The following KCNH8 variants were observed in gnomAD, a reference collection of about 807,000 sequenced individuals.
The protein encoded by KCNH8 is potassium voltage-gated channel subfamily H member 8.
KCNH8 carries 70 observed loss-of-function variants against 103.6 expected under a neutral mutation model. That is an observed-to-expected ratio of 0.68 (90% confidence interval 0.56 to 0.82). The LOEUF (loss-of-function observed/expected upper bound fraction) is 0.82. Among genes scored for constraint, KCNH8 ranks in the 40% least tolerant of loss-of-function variants. The pLI, the probability that KCNH8 is intolerant of heterozygous loss-of-function variation, is 0.00. For synonymous variants in KCNH8, 498 were observed against 489.4 expected, an observed-to-expected ratio of 1.02 and a Z score of -0.23; for missense variants, 1,217 against 1,329.9, an observed-to-expected ratio of 0.92 and a Z score of 1.32.
In KCNH8 at chr3:19,476,564, T is replaced by C. The variant is rs1030234394; in HGVS notation, c.2040+19582T>C. Among the ~76,000 whole-genome samples, 4 of 152,124 alleles carry C rather than the reference T, an allele frequency of 2.6e-5. No individual in the cohort carries two copies. In the East Asian group the frequency reaches 5.8e-4, roughly 22 times the overall value. On this transcript the variant is annotated intron_variant, in intron 11 of 15. Coordinates refer to ENST00000328405, the MANE Select transcript of KCNH8 (RefSeq NM_144633.3). ...ATCAGAAGCGGGTCACTGGGGGGCA[T>C]GGGATCTCAGCTTAATATAATGAAT...
At chr3:19,234,294 G>T (rs1165211453) in intron 1 of KCNH8, among the ~76,000 whole-genome samples, 1 of 152,204 alleles carries the variant, frequency 6.6e-6, no homozygotes, top group Non-Finnish European at 1.5e-5. Context: ...GCACTCCTCA[G>T]GCCTTGGGTG....
chr3:19,448,953 G>A, intron 8 of KCNH8: 1 of 1,284,002 alleles, frequency 7.8e-7, no homozygotes, highest in South Asian at 1.2e-5. Context: ...TGTGTCCAAG[G>A]CCTTCTTGGA....
intron 1 of KCNH8, among the ~76,000 whole-genome samples, chr3:19,237,424 T>A (rs1316691105): frequency 6.6e-6 from 1 of 152,234 alleles, no homozygotes; most frequent in Non-Finnish European, 1.5e-5. Context: ...CTCAAATGTT[T>A]GTGGCAGCCC....
At chr3:19,169,966 T>C (rs866549957) in intron 1 of KCNH8, among the ~76,000 whole-genome samples, 2 of 152,240 alleles carry the variant, frequency 1.3e-5, no homozygotes, top group Non-Finnish European at 1.5e-5. Flanking sequence ...TATTATCTCA[T>C]TTATTTTTCA....
At chr3:19,459,295 A>G (rs2067583974) in intron 11 of KCNH8, among the ~76,000 whole-genome samples, 1 of 151,658 alleles carries the variant, frequency 6.6e-6, no homozygotes. Context: ...AGCCCTTCTA[A>G]TAGGTGTGGT....
At chr3:19,376,343 G>T (rs953215029) in intron 5 of KCNH8, among the ~76,000 whole-genome samples, 2 of 152,200 alleles carry the variant, frequency 1.3e-5, no homozygotes, top group African/African-American at 4.8e-5. Context: ...CAGTATTCGG[G>T]TAGGAGTGAC....
intron 11 of KCNH8, among the ~76,000 whole-genome samples, chr3:19,462,202 T>C (rs2067645145): frequency 6.6e-6 from 1 of 152,202 alleles, no homozygotes; most frequent in South Asian, 2.1e-4. Flanking sequence ...TTTTAGATCC[T>C]TGAGGAATTG....
intron 15 of KCNH8, among the ~76,000 whole-genome samples, chr3:19,523,982 CCT>C: frequency 6.6e-6 from 1 of 151,868 alleles, no homozygotes; most frequent in Middle Eastern, 3.4e-3. Context: ...ATGAAATCTC[CCT>C]GAGTCAAAGA....
At chr3:19,364,769 A>G (rs1559493657) in intron 5 of KCNH8, among the ~76,000 whole-genome samples, 1 of 152,112 alleles carries the variant, frequency 6.6e-6, no homozygotes, top group Non-Finnish European at 1.5e-5. Context: ...ACTTTAAAGT[A>G]CCTACTTAAG....
At chr3:19,402,488 T>C (rs373368109) in intron 7 of KCNH8, among the ~76,000 whole-genome samples, 8 of 151,914 alleles carry the variant, frequency 5.3e-5, no homozygotes, top group Admixed American at 2.0e-4. Context: ...TGAAAGCAGT[T>C]TGCAAATTGA....
At chr3:19,358,393 A>AC (rs2065908466) in intron 5 of KCNH8, among the ~76,000 whole-genome samples, 1 of 151,550 alleles carries the variant, frequency 6.6e-6, no homozygotes, top group Admixed American at 6.6e-5. Context: ...AGATATTTTC[A>AC]CAAAAAATAA....
At chr3:19,435,106 A>G (rs1575063972) in intron 7 of KCNH8, among the ~76,000 whole-genome samples, 2 of 152,176 alleles carry the variant, frequency 1.3e-5, no homozygotes, top group South Asian at 4.1e-4. Flanking sequence ...GATTGTGGTA[A>G]TCATTTCATA....
chr3:19,498,637 T>C (rs1299342265), intron 11 of KCNH8, among the ~76,000 whole-genome samples: 7 of 152,216 alleles, frequency 4.6e-5, no homozygotes, highest in African/African-American at 1.7e-4. Context: ...CTGCGTTCCT[T>C]TGGAGGACGA....
rs2069229052 is a variant in KCNH8 at position 19,534,332 on chromosome 3, T to A, written c.*233T>A. ...GTACAGGTATTAAACTACTGGTCTG[T>A]TTGACAGACTTTGGTAACAATCCAA... On this transcript the variant is annotated 3_prime_UTR_variant, in exon 16 of 16. Transcript: ENST00000328405. 2 of 520,268 alleles carry A rather than the reference T, an allele frequency of 3.8e-6. No individual in the cohort carries two copies. Among genetic ancestry groups the A allele is most frequent in the Admixed American group, 3.5e-5 (1 of 28,604 alleles). The allele number at this position is 520,268 out of a possible 1,614,324, so 32.2% of individuals were successfully genotyped here. A position where few individuals can be genotyped will look rare whatever the true frequency, so the allele number is the denominator to read the frequency against.
intron 15 of KCNH8, among the ~76,000 whole-genome samples, chr3:19,528,503 G>T (rs759026222): frequency 1.6e-4 from 25 of 152,018 alleles, no homozygotes; most frequent in Non-Finnish European, 2.2e-4. Context: ...AAGGGAAAAG[G>T]GATTCTTAAC....
chr3:19,285,357 G>A (rs1423809722), intron 3 of KCNH8, among the ~76,000 whole-genome samples: 1 of 151,996 alleles, frequency 6.6e-6, no homozygotes, highest in East Asian at 1.9e-4. Context: ...ACTAAATTTT[G>A]GCTGTTAGTC....
intron 1 of KCNH8, among the ~76,000 whole-genome samples, chr3:19,246,409 T>C (rs867329103): frequency 2.6e-5 from 4 of 151,406 alleles, no homozygotes; most frequent in Middle Eastern, 6.8e-3. Flanking sequence ...CCCGAGTAGC[T>C]GGGACTACAG....
At chr3:19,372,929 A>G (rs1263726459) in intron 5 of KCNH8, among the ~76,000 whole-genome samples, 2 of 151,854 alleles carry the variant, frequency 1.3e-5, no homozygotes, top group South Asian at 2.1e-4. Context: ...ATTTGCGTAT[A>G]TTGAACCAGC....
At chr3:19,289,018 T>A (rs1163572754) in intron 3 of KCNH8, among the ~76,000 whole-genome samples, 1 of 152,238 alleles carries the variant, frequency 6.6e-6, no homozygotes, top group Non-Finnish European at 1.5e-5. Flanking sequence ...TTTGGCTGCA[T>A]AAATGTCTTC....
Sources: allele counts gnomAD v4.1 joint callset (sites outside exome capture counted in the v4.1 genomes callset), GRCh38; gene constraint gnomAD v4.1.1; transcripts MANE v1.5; gene names NCBI Gene and HGNC (gene_info 2026-07-23, HGNC 2026-07-21).